MARCHF8: variants seen among roughly 807,000 people sequenced by gnomAD.
MARCHF8 encodes the protein E3 ubiquitin-protein ligase MARCHF8.
A neutral mutation model predicts 51.6 loss-of-function variants in MARCHF8; 40 were observed. The observed-to-expected ratio is 0.77, with a 90% CI of 0.60 to 1.01. The LOEUF is 1.01. Ranked by LOEUF, MARCHF8 falls within the 50% of genes least tolerant of loss-of-function variation. The pLI is 0.00. For missense variants in MARCHF8, 685 were observed against 708.6 expected, an observed-to-expected ratio of 0.97 and a Z score of 0.38; for synonymous variants, 263 against 280.3, an observed-to-expected ratio of 0.94 and a Z score of 0.62.
At chr10:45,543,828 A>G (rs913590314) in intron 1 of MARCHF8, among the ~76,000 whole-genome samples, 10 of 148,066 alleles carry the variant, frequency 6.8e-5, no homozygotes, top group African/African-American at 2.2e-4. Flanking sequence ...AAAGACTTGT[A>G]TCTAGAATAA....
At chr10:45,505,272 A>G (rs976137851) in intron 2 of MARCHF8, among the ~76,000 whole-genome samples, 43 of 152,164 alleles carry the variant, frequency 2.8e-4, no homozygotes, top group African/African-American at 1.0e-3. Flanking sequence ...GACTTTCAGT[A>G]GGATTGGGTC....
At chr10:45,499,934 T>C (rs1458262631) in intron 2 of MARCHF8, among the ~76,000 whole-genome samples, 1 of 152,214 alleles carries the variant, frequency 6.6e-6, no homozygotes, top group Non-Finnish European at 1.5e-5. Flanking sequence ...TGATTCCATA[T>C]AAATTACAGG....
chr10:45,544,145 A>T (rs1386250270), intron 1 of MARCHF8, among the ~76,000 whole-genome samples: 1 of 152,198 alleles, frequency 6.6e-6, no homozygotes, highest in Non-Finnish European at 1.5e-5. Flanking sequence ...TAAAACCACA[A>T]TGATATACCA....
intron 3 of MARCHF8, among the ~76,000 whole-genome samples, chr10:45,487,689 G>C (rs1315916181): frequency 1.3e-5 from 2 of 152,138 alleles, no homozygotes; most frequent in Non-Finnish European, 2.9e-5. Context: ...AAATTAAGCG[G>C]AAGAATAATA....
At chr10:45,503,467 C>T (rs2043319375) in intron 2 of MARCHF8, among the ~76,000 whole-genome samples, 1 of 151,840 alleles carries the variant, frequency 6.6e-6, no homozygotes, top group African/African-American at 2.4e-5. Context: ...GCCCGGGAGG[C>T]AGAGGTTGCA....
chr10:45,479,519 A>C (rs954110568), intron 3 of MARCHF8, among the ~76,000 whole-genome samples: 2 of 152,162 alleles, frequency 1.3e-5, no homozygotes, highest in Non-Finnish European at 2.9e-5. Context: ...TAATTCCCAC[A>C]GGTTGTGGGA....
At chr10:45,579,819 G>A (rs918107819) in intron 1 of MARCHF8, among the ~76,000 whole-genome samples, 1 of 151,878 alleles carries the variant, frequency 6.6e-6, no homozygotes, top group Non-Finnish European at 1.5e-5. Context: ...TTCGAGACCA[G>A]CCTGGCCAAC....
chr10:45,512,819 G>A (rs1424495537), intron 2 of MARCHF8, among the ~76,000 whole-genome samples: 12 of 152,118 alleles, frequency 7.9e-5, no homozygotes, highest in Admixed American at 7.2e-4. Flanking sequence ...GAAATCGGAT[G>A]GTTGCCGTGT....
intron 3 of MARCHF8, among the ~76,000 whole-genome samples, chr10:45,474,001 G>A (rs2042741789): frequency 6.6e-6 from 1 of 152,034 alleles, no homozygotes; most frequent in Non-Finnish European, 1.5e-5. Flanking sequence ...CTTCAACTTG[G>A]GTTCCCTGTA....
At position 45,576,450 on chromosome 10, in the gene MARCHF8, C is replaced by T. The variant is rs186994922; in HGVS notation, c.-79+17785G>A. On this transcript the variant is annotated intron_variant, in intron 1 of 6. Transcript: ENST00000319836. ...CTTTGCACAGAGTGTAGGCAAGATGCAAGAAAAGCATTTGATGAAATTCAA... is the reference window on the plus strand; with the variant it reads ...CTTTGCACAGAGTGTAGGCAAGATGTAAGAAAAGCATTTGATGAAATTCAA... Among the ~76,000 whole-genome samples, 223 of 152,132 alleles carry T rather than the reference C, an allele frequency of 1.5e-3. 1 individual carries two copies. Among genetic ancestry groups the T allele is most frequent in the African/African-American group, 4.0e-3 (165 of 41,486 alleles).
intron 1 of MARCHF8, among the ~76,000 whole-genome samples, chr10:45,569,779 T>C (rs2044407962): frequency 6.6e-6 from 1 of 152,162 alleles, no homozygotes; most frequent in African/African-American, 2.4e-5. Context: ...ATGTATGGAA[T>C]CCTCAAATAA....
chr10:45,532,176 T>C (rs997915987), intron 2 of MARCHF8, among the ~76,000 whole-genome samples: 1 of 152,138 alleles, frequency 6.6e-6, no homozygotes, highest in Non-Finnish European at 1.5e-5. Flanking sequence ...ATCCCCATTC[T>C]ACAAATAATT....
chr10:45,473,799 A>G (rs1277782980), intron 3 of MARCHF8, among the ~76,000 whole-genome samples: 2 of 152,208 alleles, frequency 1.3e-5, no homozygotes, highest in Non-Finnish European at 2.9e-5. Context: ...AGCCACCTGC[A>G]ATAGGGTGCC....
chr10:45,570,604 A>C (rs2044418066), intron 1 of MARCHF8, among the ~76,000 whole-genome samples: 1 of 152,218 alleles, frequency 6.6e-6, no homozygotes, highest in Non-Finnish European at 1.5e-5. Flanking sequence ...ATTATATAGA[A>C]GATCCTAGCC....
At chr10:45,536,468 G>A (rs1008117227), upstream of MARCHF8, among the ~76,000 whole-genome samples, 2 of 151,898 alleles carry the variant, frequency 1.3e-5, no homozygotes, top group African/African-American at 4.8e-5. Context: ...AACACAGCCA[G>A]TCATAATGGT....
At chr10:45,474,222 A>G (rs1323451301) in intron 3 of MARCHF8, among the ~76,000 whole-genome samples, 1 of 152,158 alleles carries the variant, frequency 6.6e-6, no homozygotes, top group Admixed American at 6.5e-5. Flanking sequence ...GATGAGACAT[A>G]TTGTCAAATG....
chr10:45,485,066 G>A (rs2042955914), intron 3 of MARCHF8, among the ~76,000 whole-genome samples: 1 of 152,210 alleles, frequency 6.6e-6, no homozygotes, highest in African/African-American at 2.4e-5. Flanking sequence ...CTGGGATGAT[G>A]AAGAGGGATG....
At chr10:45,477,624 C>T (rs2042810533) in intron 3 of MARCHF8, among the ~76,000 whole-genome samples, 1 of 152,118 alleles carries the variant, frequency 6.6e-6, no homozygotes, top group Non-Finnish European at 1.5e-5. Context: ...CAGAGACTGG[C>T]TGAATGGATT....
chr10:45,566,285 CA>C (rs2044362905), intron 1 of MARCHF8, among the ~76,000 whole-genome samples: 1 of 152,112 alleles, frequency 6.6e-6, no homozygotes. Context: ...TCAAACAATC[CA>C]ATTATACTCT....
Sources: allele counts gnomAD v4.1 joint callset (sites outside exome capture counted in the v4.1 genomes callset), GRCh38; gene constraint gnomAD v4.1.1; transcripts MANE v1.5; gene names NCBI Gene and HGNC (gene_info 2026-07-23, HGNC 2026-07-21).